Variants in SMARCA1 observed in about 807,000 individuals in gnomAD.
The protein encoded by SMARCA1 is SWI/SNF-related matrix-associated actin-dependent regulator of chromatin subfamily A member 1.
A neutral mutation model predicts 93.6 loss-of-function variants in SMARCA1; 17 were observed. The observed-to-expected ratio is 0.18, with a 90% CI of 0.12 to 0.27. The LOEUF (loss-of-function observed/expected upper bound fraction) is 0.27. Ranked by LOEUF, SMARCA1 falls within the 10% of genes least tolerant of loss-of-function variation. The pLI is 1.00. For missense variants in SMARCA1, 630 were observed against 819.0 expected, an observed-to-expected ratio of 0.77 and a Z score of 2.82; for synonymous variants, 271 against 271.4, an observed-to-expected ratio of 1.00 and a Z score of 0.01.
In SMARCA1 at chrX:129,481,149, C is replaced by T. The variant is rs1180246498; in HGVS notation, c.2254G>A (p.Glu752Lys). The change falls in exon 18 of 25, where the codon GAA becomes AAA. Residue 752 changes from glutamate to lysine, a missense_variant. This residue lies in a region of SMARCA1 where 382 missense variants were observed against 537.9 expected (regional missense o/e 0.71). Coordinates refer to ENST00000371121, the MANE Select transcript of SMARCA1 (RefSeq NM_001282874.2). Reference protein sequence around the residue: ...MVEWIEPPKRERKANYAVDAY... With the variant: ...MVEWIEPPKRKRKANYAVDAY... ...TCCACTGCGTAGTTTGCTTTGCGTTCTCGTTTAGGAGGTTCAATCCATTCC... is the reference window on the plus strand; with the variant it reads ...TCCACTGCGTAGTTTGCTTTGCGTTTTCGTTTAGGAGGTTCAATCCATTCC... 1.7e-6 allele frequency: 2 copies of T among 1,204,170 alleles called. No homozygotes were observed. The highest frequency in any genetic ancestry group is 4.4e-5 in the Admixed American group (2 of 45,500).
chrX:129,499,945 C>G, intron 9 of SMARCA1, 104 bp from the exon 10 acceptor site: 1 of 365,808 alleles, frequency 2.7e-6, no homozygotes, highest in Non-Finnish European at 4.7e-6. Context: ...ACTGCATAGT[C>G]TGACAAATAC....
At chrX:129,463,467 T>C (rs147960911) in intron 23 of SMARCA1, among the ~76,000 whole-genome samples, 1 of 112,168 alleles carries the variant, frequency 8.9e-6, no homozygotes, top group East Asian at 2.8e-4. Context: ...TCTATTTCAA[T>C]GATCCAAAGA....
At chrX:129,477,399 A>G (rs756692523) in intron 19 of SMARCA1, among the ~76,000 whole-genome samples, 8 of 111,000 alleles carry the variant, frequency 7.2e-5, no homozygotes, top group African/African-American at 2.3e-4. Context: ...CTAAAAATAC[A>G]AAAATTAGCT....
At chrX:129,452,995 A>AGG (rs2124156954) in intron 23 of SMARCA1, among the ~76,000 whole-genome samples, 1 of 111,457 alleles carries the variant, frequency 9.0e-6, no homozygotes, top group Non-Finnish European at 1.9e-5. Flanking sequence ...TTATGTTACT[A>AGG]TCATAATCAT....
chrX:129,516,030 C>G (rs1569450506), intron 3 of SMARCA1, 36 bp from the exon 4 acceptor site: 1 of 999,194 alleles, frequency 1.0e-6, no homozygotes, highest in Non-Finnish European at 1.4e-6. Flanking sequence ...CATATTCGAC[C>G]TAAATGATAA....
chrX:129,492,894 AT>A (rs1934182558), intron 13 of SMARCA1, 145 bp downstream of exon 13: 1 of 303,259 alleles, frequency 3.3e-6, no homozygotes, highest in Non-Finnish European at 6.0e-6. Flanking sequence ...ATTTTTGAAG[AT>A]TTAAAAAAAA....
chrX:129,452,168 G>A (rs933759121), intron 23 of SMARCA1, among the ~76,000 whole-genome samples: 1 of 112,608 alleles, frequency 8.9e-6, no homozygotes, highest in Admixed American at 9.4e-5. Flanking sequence ...GAAATTTCAT[G>A]ATGTCAAAAG....
rs746856781 is a variant in SMARCA1, at chrX:129,496,867, T to C, written c.1509A>G (p.Ser503=). 8.3e-7 allele frequency: 1 copy of C among 1,200,874 alleles called. No individual in the cohort carries two copies. Among genetic ancestry groups the C allele is most frequent in the Admixed American group, 2.3e-5 (1 of 44,059 alleles). Residue 503 remains serine, a synonymous_variant, in exon 12 of 25, where the codon TCA becomes TCG. Coordinates refer to ENST00000371121, the MANE Select transcript of SMARCA1 (RefSeq NM_001282874.2). ...KLLAKLKEQG[S]RVLIFSQMTR... is the part of the protein sequence containing the mutation. Reference sequence around the variant, plus strand: ...TCATCTGGCTGAAAATGAGAACCCTTGAACCTAAAACATTTCACCAAGAAA... The same window carrying C: ...TCATCTGGCTGAAAATGAGAACCCTCGAACCTAAAACATTTCACCAAGAAA...
chrX:129,469,890 T>C (rs1366429179), intron 20 of SMARCA1, among the ~76,000 whole-genome samples: 1 of 112,064 alleles, frequency 8.9e-6, no homozygotes, highest in Non-Finnish European at 1.9e-5. Flanking sequence ...GAAATACATT[T>C]TGAAAATAGA....
chrX:129,522,880 C>G (rs1935456657), intron 1 of SMARCA1, among the ~76,000 whole-genome samples: 1 of 111,421 alleles, frequency 9.0e-6, no homozygotes, highest in Admixed American at 9.3e-5. Context: ...CACCCCGTTA[C>G]CCGAGTTCCG....
chrX:129,516,617 T>G (rs1399348412), intron 2 of SMARCA1, 120 bp from the exon 3 acceptor site: 1 of 565,207 alleles, frequency 1.8e-6, no homozygotes. Flanking sequence ...TTCAATTCTC[T>G]TAAGAAACCT....
intron 23 of SMARCA1, among the ~76,000 whole-genome samples, chrX:129,458,377 T>C (rs1412258387): frequency 8.9e-6 from 1 of 112,459 alleles, no homozygotes; most frequent in African/African-American, 3.2e-5. Flanking sequence ...TTAAACAAAA[T>C]TGTGTTGCCT....
At chrX:129,488,610 TAAAAAA>T (rs35620990) in intron 16 of SMARCA1, among the ~76,000 whole-genome samples, 805 of 64,931 alleles carry the variant, frequency 0.012, 7 homozygotes, top group African/African-American at 0.046. Flanking sequence ...CCTGTCTCTT[TAAAAAA>T]AAAAAAAAAA....
At chrX:129,522,670 C>A (rs997481263) in intron 1 of SMARCA1, among the ~76,000 whole-genome samples, 3 of 111,473 alleles carry the variant, frequency 2.7e-5, no homozygotes, top group Non-Finnish European at 5.7e-5. Context: ...GAAATGTCTT[C>A]CCTGTCACCC....
In SMARCA1 at chrX:129,506,167, G is replaced by A; in HGVS notation, c.1011C>T (p.Leu337=). Residue 337 remains leucine, a synonymous_variant, in exon 8 of 25, where the codon CTC becomes CTT. Transcript: ENST00000371121. ...TATTCTGCAAAGGTGTTCCAGTTAG[G>A]AGCAAGCGGTTAGTCGACTTGAACT... The part of the protein sequence containing the change: ...VREFKSTNRL[L]LTGTPLQNNL... 8.4e-7 allele frequency: 1 copy of A among 1,196,524 alleles called. No homozygotes were observed. Among genetic ancestry groups the A allele is most frequent in the Non-Finnish European group, 1.1e-6 (1 of 882,013 alleles).
chrX:129,507,106 C>A (rs1166266331), intron 7 of SMARCA1, among the ~76,000 whole-genome samples: 1 of 111,778 alleles, frequency 8.9e-6, no homozygotes, highest in Admixed American at 9.6e-5. Context: ...GATATTAGTT[C>A]CAATTTGAAA....
At chrX:129,506,903 T>G (rs1934838949) in intron 7 of SMARCA1, among the ~76,000 whole-genome samples, 1 of 110,191 alleles carries the variant, frequency 9.1e-6, no homozygotes, top group East Asian at 2.8e-4. Flanking sequence ...ACGTTCTAAC[T>G]TGGCCTGGTC....
chrX:129,497,601 A>G (rs373618355), intron 11 of SMARCA1, among the ~76,000 whole-genome samples: 1 of 111,440 alleles, frequency 9.0e-6, no homozygotes, highest in Non-Finnish European at 1.9e-5. Flanking sequence ...GTTTCTCAAC[A>G]TATCATAGCA....
intron 5 of SMARCA1, among the ~76,000 whole-genome samples, chrX:129,514,578 A>T (rs1252388139): frequency 8.9e-6 from 1 of 112,416 alleles, no homozygotes; most frequent in Non-Finnish European, 1.9e-5. Context: ...AGTCATTTAC[A>T]TATTGTTTGG....
Sources: gnomAD v4.1 joint callset for allele counts (sites outside exome capture counted in the v4.1 genomes callset) on GRCh38, gnomAD v4.1.1 for gene constraint, gnomAD v4.1.1 regional missense constraint, MANE v1.5 for transcripts, NCBI Gene and HGNC (gene_info 2026-07-23, HGNC 2026-07-21) for gene names.